Variants in LRRC66 observed in about 807,000 individuals in gnomAD.
LRRC66 encodes the protein leucine rich repeat containing 66.
A neutral mutation model predicts 24.6 loss-of-function variants in LRRC66; 29 were observed. That is an observed-to-expected ratio of 1.18 (90% CI 0.88 to 1.61). The LOEUF (loss-of-function observed/expected upper bound fraction) is 1.61. Ranked by LOEUF, LRRC66 falls within the 40% of genes most tolerant of loss-of-function variation. The pLI, the probability that LRRC66 is intolerant of heterozygous loss-of-function variation, is 0.00. For missense variants in LRRC66, 1,124 were observed against 1,058.0 expected (o/e 1.06, Z -0.87); for synonymous variants, 411 against 397.6 (o/e 1.03, Z -0.40).
intron 2 of LRRC66, 28 bp from the exon 3 acceptor site, chr4:52,003,420 T>C: frequency 6.3e-7 from 1 of 1,597,960 alleles, no homozygotes; most frequent in Non-Finnish European, 8.5e-7. Context: ...TAAGTTGAAA[T>C]CTAAACTGGT....
intron 3 of LRRC66, among the ~76,000 whole-genome samples, chr4:52,001,808 G>T (rs183311986): frequency 6.6e-6 from 1 of 152,310 alleles, no homozygotes; most frequent in East Asian, 1.9e-4. Context: ...GAAGTGGGGA[G>T]TTGGAGGCTT....
At chr4:52,018,694 T>TTGAGGAGCCCTC in intron 1 of LRRC66, 1 of 706,366 alleles carries the variant, frequency 1.4e-6, no homozygotes, top group Non-Finnish European at 1.7e-6. Flanking sequence ...CCTTATTGCC[T>TTGAGGAGCCCTC]ATAGTCCAAA....
chr4:52,018,587 C>G, intron 1 of LRRC66: 1 of 985,370 alleles, frequency 1.0e-6, no homozygotes, highest in Non-Finnish European at 1.2e-6. Flanking sequence ...TCTTGACTTT[C>G]CTTCTTTGTG....
chr4:52,017,125 A>C lies in LRRC66; in HGVS notation c.489T>G (p.Thr163=), dbSNP rs758443370. Residue 163 remains threonine, a synonymous_variant, in exon 2 of 5, where the codon ACT becomes ACG. Coordinates refer to ENST00000682860, the MANE Select transcript of LRRC66 (RefSeq NM_001024611.3). ...AGTTAAAATTGTACTCACCCTTGGG[A>C]GTGTCACTGAGTTTATTTCTTTGAA... ...LILQRNKLSD[T]PKGLWKLKSL... The C allele has an allele frequency of 1.2e-6, 2 of 1,612,564 alleles. No individual in the cohort carries two copies. Among genetic ancestry groups the C allele is most frequent in the East Asian group, 4.5e-5 (2 of 44,878 alleles).
In LRRC66 at chr4:51,994,566, G is replaced by A. The variant is rs543351323; in HGVS notation, c.2456C>T (p.Pro819Leu). ...GTCATAATCATAAGTGAACATGCCC[G>A]GAAACTCATCCCCTAAGGGACTATT... ...PGNSPLGDEF[P>L]GMFTYDYDTA... Residue 819 changes from proline to leucine, a missense_variant, in exon 5 of 5, where the codon CCG (proline) becomes CTG (leucine). Transcript: ENST00000682860. 5.8e-4 allele frequency: 935 copies of A among 1,614,124 alleles called. 11 individuals are homozygous for A. The South Asian group carries it at 9.1e-3, about 16-fold the overall frequency.
chr4:52,012,135 TGA>T (rs1160746746), intron 2 of LRRC66, among the ~76,000 whole-genome samples: 1 of 151,490 alleles, frequency 6.6e-6, no homozygotes, highest in Non-Finnish European at 1.5e-5. Context: ...TGTAGTGAGC[TGA>T]GATCATGCCA....
chr4:52,006,252 G>A (rs1318873532), intron 2 of LRRC66, among the ~76,000 whole-genome samples: 4 of 152,096 alleles, frequency 2.6e-5, no homozygotes, highest in Admixed American at 6.5e-5. Flanking sequence ...ACATGCACAC[G>A]TATGTTTATT....
At chr4:52,016,566 C>T (rs1736816655) in intron 2 of LRRC66, among the ~76,000 whole-genome samples, 1 of 152,096 alleles carries the variant, frequency 6.6e-6, no homozygotes, top group African/African-American at 2.4e-5. Flanking sequence ...TGGAGGCTAT[C>T]TGGAGTACCC....
chr4:52,013,783 C>T (rs1247515851), intron 2 of LRRC66, among the ~76,000 whole-genome samples: 1 of 152,112 alleles, frequency 6.6e-6, no homozygotes, highest in Non-Finnish European at 1.5e-5. Context: ...TAGAAATAGT[C>T]CCCATTTTAA....
chr4:51,997,758 G>A lies in LRRC66; in HGVS notation c.846C>T (p.Asn282=), dbSNP rs554407877. 1.9e-6 allele frequency: 3 copies of A among 1,613,860 alleles called. No individual in the cohort carries two copies. The highest frequency in any genetic ancestry group is 2.5e-6 in the Non-Finnish European group (3 of 1,179,834). Reference sequence around the variant, plus strand: ...ACATTACTGACTTACCTATAGACCTGTTGCAAATGACATTCCACTTTTTCC... The same window carrying A: ...ACATTACTGACTTACCTATAGACCTATTGCAAATGACATTCCACTTTTTCC... ...SWRKKWNVIC[N]RSIGSEEANG... The change falls in exon 4 of 5, where the codon AAC becomes AAT. Residue 282 remains asparagine, a synonymous_variant. Coordinates refer to ENST00000682860, the MANE Select transcript of LRRC66 (RefSeq NM_001024611.3).
rs763727501 is a variant in LRRC66, at chr4:51,995,077, G to A, written c.1945C>T (p.Leu649Phe). 3 of 1,614,228 alleles carry A rather than the reference G, an allele frequency of 1.9e-6. No homozygotes were observed. In the South Asian group the frequency reaches 3.3e-5, roughly 18 times the overall value. ...RLSGARAEEA[L>F]SAHYSEVPYG... ...GGAACCTCGCTGTAGTGGGCTGAAA[G>A]CGCTTCCTCAGCCCTTGCCCCGGAC... The change falls in exon 5 of 5, where the codon CTT becomes TTT. Residue 649 changes from leucine (L) to phenylalanine (F), a missense_variant. Transcript: ENST00000682860.
At position 51,994,822 on chromosome 4, in the gene LRRC66, A is replaced by T. The variant is rs1736254421; in HGVS notation, c.2200T>A (p.Ser734Thr). 6.2e-7 allele frequency: 1 copy of T among 1,613,850 alleles called. No individual in the cohort carries two copies. The highest frequency in any genetic ancestry group is 1.7e-5 in the Admixed American group (1 of 59,988). ...KTEEAVPDEE[S>T]LQDESSGASK... ...GCCCCTGAGCTCTCGTCCTGCAGGG[A>T]CTCCTCATCAGGCACTGCCTCTTCA... is the stretch of plus-strand genomic sequence containing the variant. The change falls in exon 5 of 5, where the codon TCC becomes ACC. Residue 734 changes from serine (S) to threonine (T), a missense_variant. Ser to Thr is a moderately conservative substitution (Grantham distance 58, BLOSUM62 1). Coordinates refer to ENST00000682860, the MANE Select transcript of LRRC66 (RefSeq NM_001024611.3).
At chr4:52,003,124 T>C (rs1419013614) in intron 3 of LRRC66, 99 bp downstream of exon 3, 1 of 892,930 alleles carries the variant, frequency 1.1e-6, no homozygotes, top group Non-Finnish European at 1.7e-6. Flanking sequence ...TAATAGCCAG[T>C]ACTACTGGAC....
rs1162324090 is a variant in LRRC66 at position 52,006,727 on chromosome 4, AAG to A, written c.497-3337_497-3336del. Reference sequence around the variant, plus strand: ...AATAATAATAATAATAATAATAATAAAGAAAAAAAAACAAAAACAAAAAAACA... The same window carrying A: ...AATAATAATAATAATAATAATAATAAAAAAAAAAACAAAAACAAAAAAACA... On this transcript the variant is annotated intron_variant, in intron 2 of 4. Coordinates refer to ENST00000682860, the MANE Select transcript of LRRC66 (RefSeq NM_001024611.3). Among the ~76,000 whole-genome samples, 226 of 14,334 alleles carry A rather than the reference AAG, an allele frequency of 0.016. 1 individual carries two copies. In the South Asian group the frequency reaches 0.17, roughly 11 times the overall value. 9.4% of individuals were successfully genotyped at this position (14,334 alleles called of 152,430 possible).
At chr4:52,002,236 ACTTG>A (rs1173052411) in intron 3 of LRRC66, among the ~76,000 whole-genome samples, 1 of 152,240 alleles carries the variant, frequency 6.6e-6, no homozygotes, top group Admixed American at 6.5e-5. Flanking sequence ...GAAGAAATTC[ACTTG>A]CTTATTTTAA....
rs1487493586 is a variant in LRRC66, at chr4:52,004,068, T to C, written c.497-676A>G. 2.0e-5 allele frequency among the ~76,000 whole-genome samples: 3 copies of C among 152,242 alleles called. No individual in the cohort carries two copies. The East Asian group carries it at 5.8e-4, about 29-fold the overall frequency. On this transcript the variant is annotated intron_variant, in intron 2 of 4. Coordinates refer to ENST00000682860, the MANE Select transcript of LRRC66 (RefSeq NM_001024611.3). ...CCCAGGCTGGAGTGCAGTGGTACAA[T>C]CCCCACTCATTGCAACTTCCACCTC...
intron 3 of LRRC66, 81 bp from the exon 4 acceptor site, chr4:51,998,018 T>C: frequency 1.7e-6 from 2 of 1,204,710 alleles, no homozygotes; most frequent in South Asian, 2.8e-5. Flanking sequence ...AGAAAACTAC[T>C]GTTTATGTCT....
chr4:52,018,598 A>G (rs1736872046), intron 1 of LRRC66: 4 of 985,268 alleles, frequency 4.1e-6, no homozygotes, highest in Non-Finnish European at 4.8e-6. Flanking sequence ...CTTCTTTGTG[A>G]TCCATCCTAG....
At chr4:52,014,912 TC>T (rs1334616265) in intron 2 of LRRC66, among the ~76,000 whole-genome samples, 1 of 152,122 alleles carries the variant, frequency 6.6e-6, no homozygotes. Flanking sequence ...CCTTCTTTTT[TC>T]CCCCTCCTCT....
Sources: gnomAD v4.1 joint callset for allele counts (sites outside exome capture counted in the v4.1 genomes callset) on GRCh38, gnomAD v4.1.1 for gene constraint, MANE v1.5 for transcripts, NCBI Gene and HGNC (gene_info 2026-07-23, HGNC 2026-07-21) for gene names.